MN1: variants seen among roughly 807,000 people sequenced by gnomAD.
MN1 encodes MN1 proto-oncogene, transcriptional regulator.
In MN1, 19 loss-of-function variants were observed where a neutral mutation model predicts 86.9. The observed-to-expected ratio is 0.22, with a 90% confidence interval of 0.15 to 0.32. The LOEUF (loss-of-function observed/expected upper bound fraction) is 0.32. MN1 is among the 10% of genes least tolerant of loss of function. The probability of loss-of-function intolerance (pLI) is 1.00; values close to 1 mark genes in which losing one functional copy is unlikely to be tolerated. For missense variants in MN1, 1,841 were observed against 1,862.0 expected, an observed-to-expected ratio of 0.99 and a Z score of 0.21; for synonymous variants, 928 against 849.6, an observed-to-expected ratio of 1.09 and a Z score of -1.60.
rs45539135 is a variant in MN1 at position 27,751,492 on chromosome 22, G to A, written c.3782-396C>T. ...ATCAAAGGATGTGTAGGAGTTCGCC[G>A]CATGCAGTGAAAGGGTGGAGGGGAG... On this transcript the variant is annotated intron_variant, in intron 1 of 1. Coordinates refer to ENST00000302326, the MANE Select transcript of MN1 (RefSeq NM_002430.3). Among the ~76,000 whole-genome samples, 535 of 152,234 alleles carry A rather than the reference G, an allele frequency of 3.5e-3. 1 individual carries two copies. Among genetic ancestry groups the A allele is most frequent in the African/African-American group, 0.012 (491 of 41,548 alleles).
intron 1 of MN1, among the ~76,000 whole-genome samples, chr22:27,795,891 C>A (rs1933286117): frequency 6.6e-6 from 1 of 152,174 alleles, no homozygotes; most frequent in African/African-American, 2.4e-5. Flanking sequence ...TAAAGGCCTC[C>A]AGGCCTGGTG....
In MN1 at chr22:27,796,409, G is replaced by A. The variant is rs532063009; in HGVS notation, c.3781+354C>T. ...GGAGCCAGCCTCAATGTTGAGGGTG[G>A]GGAGGGGTCTTAGTGTGAAAGGGAA... On this transcript the variant is annotated intron_variant, in intron 1 of 1. Transcript: ENST00000302326. Among the ~76,000 whole-genome samples the A allele has an allele frequency of 1.4e-4, 21 of 152,008 alleles. 1 individual carries two copies. Among genetic ancestry groups the A allele is most frequent in the Admixed American group, 4.6e-4 (7 of 15,270 alleles).
intron 1 of MN1, among the ~76,000 whole-genome samples, chr22:27,791,353 G>A (rs1483554382): frequency 2.0e-5 from 3 of 152,000 alleles, no homozygotes; most frequent in South Asian, 2.1e-4. Context: ...CACCAAGAGC[G>A]ATCAAATCCC....
At position 27,798,401 on chromosome 22, in the gene MN1, G is replaced by C; in HGVS notation, c.2143C>G (p.Pro715Ala). ...CTGGGGAGCCCCACGCCCGCCCCGG[G>C]CGACTGCAGCTGACCCAGGCCTCCC... ...SLGGLGQLQS[P>A]GAGVGLPSAA... The change falls in exon 1 of 2, where the codon CCC becomes GCC. Residue 715 changes from proline to alanine, a missense_variant. Pro to Ala is a conservative substitution (Grantham distance 27). Coordinates refer to ENST00000302326, the MANE Select transcript of MN1 (RefSeq NM_002430.3). 6.6e-7 allele frequency: 1 copy of C among 1,518,668 alleles called. No individual in the cohort carries two copies. Among genetic ancestry groups the C allele is most frequent in the South Asian group, 1.2e-5 (1 of 81,678 alleles). The allele number at this position is 1,518,668 out of a possible 1,614,324, so 94.1% of individuals were successfully genotyped here.
rs376158874 is a variant in MN1, at chr22:27,779,402, G to A, written c.3781+17361C>T. ...GGCTAGGGGTTCGAACCACTGTCCC[G>A]TCACCTGTGGGGAACAAATGGGAAG... On this transcript the variant is annotated intron_variant, in intron 1 of 1. Transcript: ENST00000302326. Among the ~76,000 whole-genome samples the A allele has an allele frequency of 4.0e-3, 613 of 152,286 alleles. 6 individuals carry two copies. Among genetic ancestry groups the A allele is most frequent in the African/African-American group, 0.014 (584 of 41,548 alleles).
chr22:27,796,611 TA>T, intron 1 of MN1, 151 bp downstream of exon 1: 1 of 733,016 alleles, frequency 1.4e-6, no homozygotes, highest in Non-Finnish European at 2.2e-6. Context: ...GCCCTTGGTG[TA>T]AGCAAAGGTG....
chr22:27,753,189 C>T (rs972623131), intron 1 of MN1, among the ~76,000 whole-genome samples: 8 of 152,204 alleles, frequency 5.3e-5, no homozygotes, highest in Admixed American at 1.3e-4. Flanking sequence ...TATTGAGGAC[C>T]TTCTATATGC....
rs544173179 is a variant in MN1, at chr22:27,794,631, C to T, written c.3781+2132G>A. Among the ~76,000 whole-genome samples, 486 of 152,292 alleles carry T rather than the reference C, an allele frequency of 3.2e-3. 4 individuals are homozygous for T. The highest frequency in any genetic ancestry group is 0.011 in the African/African-American group (467 of 41,572). On this transcript the variant is annotated intron_variant, in intron 1 of 1. Coordinates refer to ENST00000302326, the MANE Select transcript of MN1 (RefSeq NM_002430.3). The stretch of plus-strand genomic sequence containing the variant: ...ACAAAACATTTCTTTGGTGACATTT[C>T]TTCATTCACAGCCTGCATCTTCATC...
intron 1 of MN1, among the ~76,000 whole-genome samples, chr22:27,757,392 G>A (rs1932808269): frequency 6.6e-6 from 1 of 152,216 alleles, no homozygotes; most frequent in African/African-American, 2.4e-5. Flanking sequence ...ACGTGCCAGC[G>A]TTGTGCCATG....
At position 27,750,016 on chromosome 22, in the gene MN1, C is replaced by T. The variant is rs1181172712; in HGVS notation, c.*899G>A. 4.3e-6 allele frequency: 1 copy of T among 232,302 alleles called. No homozygotes were observed. The highest frequency in any genetic ancestry group is 6.1e-5 in the East Asian group (1 of 16,466). 14.4% of individuals were successfully genotyped at this position (232,302 alleles called of 1,614,324 possible). A position where few individuals can be genotyped will look rare whatever the true frequency, so the allele number is the denominator to read the frequency against. ...CTGCAGGCTGGGAGCACACCATCCC[C>T]CATGCAGACCAAAGGCTGCTTAGCA... On this transcript the variant is annotated 3_prime_UTR_variant, in exon 2 of 2. Coordinates refer to ENST00000302326, the MANE Select transcript of MN1 (RefSeq NM_002430.3).
At chr22:27,773,260 G>A (rs761244556) in intron 1 of MN1, among the ~76,000 whole-genome samples, 4 of 152,270 alleles carry the variant, frequency 2.6e-5, no homozygotes, top group South Asian at 2.1e-4. Context: ...GCCACCGGGC[G>A]CCAGGGGGTT....
chr22:27,761,049 A>T lies in MN1; in HGVS notation c.3782-9953T>A, dbSNP rs181862230. 9.3e-4 allele frequency among the ~76,000 whole-genome samples: 142 copies of T among 152,286 alleles called. 1 individual carries two copies. The highest frequency in any genetic ancestry group is 3.3e-3 in the African/African-American group (139 of 41,552). On this transcript the variant is annotated intron_variant, in intron 1 of 1. Transcript: ENST00000302326. The stretch of plus-strand genomic sequence containing the variant: ...CAGCCATCCGCAGAGCCAAGGTCAC[A>T]CCCAGAGACGTCTGATGTCACAGTG...
chr22:27,765,208 G>C (rs1932860171), intron 1 of MN1, among the ~76,000 whole-genome samples: 1 of 152,216 alleles, frequency 6.6e-6, no homozygotes, highest in South Asian at 2.1e-4. Context: ...GTTCGCATAA[G>C]AGGAGGTTGC....
chr22:27,784,044 C>A (rs527771244), intron 1 of MN1, among the ~76,000 whole-genome samples: 1 of 152,342 alleles, frequency 6.6e-6, no homozygotes, highest in South Asian at 2.1e-4. Flanking sequence ...GCCACAGAGG[C>A]CTTGGCAGAG....
chr22:27,780,022 G>T (rs932922487), intron 1 of MN1, among the ~76,000 whole-genome samples: 7 of 152,126 alleles, frequency 4.6e-5, no homozygotes, highest in Admixed American at 1.3e-4. Context: ...AGCCTAACTT[G>T]CCCTAACCTA....
intron 1 of MN1, among the ~76,000 whole-genome samples, chr22:27,793,918 A>G (rs962691741): frequency 5.3e-5 from 8 of 152,214 alleles, no homozygotes; most frequent in African/African-American, 1.7e-4. Flanking sequence ...ATTTAATCAC[A>G]TTAGTACTGG....
At chr22:27,758,463 C>T (rs1000692723) in intron 1 of MN1, among the ~76,000 whole-genome samples, 1 of 152,236 alleles carries the variant, frequency 6.6e-6, no homozygotes, top group African/African-American at 2.4e-5. Flanking sequence ...GGTAATGATA[C>T]CGCTAGCTGC....
At chr22:27,783,953 G>A (rs1188319691) in intron 1 of MN1, among the ~76,000 whole-genome samples, 1 of 152,214 alleles carries the variant, frequency 6.6e-6, no homozygotes, top group African/African-American at 2.4e-5. Flanking sequence ...GACTTTCCAC[G>A]ATGATGCCGC....
chr22:27,797,060 G>C lies in MN1; in HGVS notation c.3484C>G (p.Leu1162Val), dbSNP rs762639138. The C allele has an allele frequency of 8.7e-6, 14 of 1,612,132 alleles. No homozygotes were observed. Among genetic ancestry groups the C allele is most frequent in the Non-Finnish European group, 1.2e-5 (14 of 1,179,666 alleles). ...GAGATGCTGAACTGCTGCCTCTGTA[G>C]CTGGATCTGCGCCTGAAGGATCTCC... ...PLEILQAQIQ[L>V]QRQQFSISED... is the part of the protein sequence containing the mutation. The change falls in exon 1 of 2, where the codon CTA (leucine) becomes GTA (valine). Residue 1162 changes from leucine to valine, a missense_variant. Physicochemically the swap from Leu to Val is conservative, Grantham distance 32 (BLOSUM62 1). Transcript: ENST00000302326.
Sources: allele counts gnomAD v4.1 joint callset (sites outside exome capture counted in the v4.1 genomes callset), GRCh38; gene constraint gnomAD v4.1.1; transcripts MANE v1.5; gene names NCBI Gene and HGNC (gene_info 2026-07-23, HGNC 2026-07-21).